CEP104: variants seen among roughly 807,000 people sequenced by gnomAD.
CEP104 encodes the protein centrosomal protein of 104 kDa.
A neutral mutation model predicts 113.3 loss-of-function variants in CEP104; 84 were observed. That is an observed-to-expected ratio of 0.74 (90% confidence interval 0.62 to 0.89). CEP104 has a LOEUF of 0.89. Ranked by LOEUF, CEP104 falls within the 40% of genes least tolerant of loss-of-function variation. The probability of loss-of-function intolerance (pLI) is 0.00; values close to 1 mark genes in which losing one functional copy is unlikely to be tolerated. For synonymous variants in CEP104, 378 were observed against 421.7 expected (o/e 0.90, Z 1.27); for missense variants, 1,053 against 1,156.6 (o/e 0.91, Z 1.30).
intron 9 of CEP104, 40 bp downstream of exon 9, chr1:3,837,252 C>T (rs1387776228): frequency 1.3e-6 from 2 of 1,523,060 alleles, no homozygotes; most frequent in Admixed American, 3.5e-5. Flanking sequence ...TTACAAATAC[C>T]CAAATAAATT....
intron 12 of CEP104, 53 bp from the exon 13 acceptor site, chr1:3,831,275 T>TTCAGCATGATC (rs1338518209): frequency 6.6e-7 from 1 of 1,506,148 alleles, no homozygotes; most frequent in African/African-American, 1.4e-5. Context: ...CTGGAGGCAG[T>TTCAGCATGATC]TTAGTACAAT....
rs1160276141 is a variant in CEP104 at position 3,847,556 on chromosome 1, T to C, written c.345A>G (p.Ser115=). The change falls in exon 4 of 22, where the codon TCA becomes TCG. Residue 115 remains serine (S), a synonymous_variant. Coordinates refer to ENST00000378230, the MANE Select transcript of CEP104 (RefSeq NM_014704.4). ...KTGCKARELK[S]VYVDAVGQFL... ...ATTGTCCTACTGCATCCACATAAAC[T>C]GATTTTAGTTCCCGGGCTTTGCAAC... 2 of 1,613,750 alleles carry C rather than the reference T, an allele frequency of 1.2e-6. No individual in the cohort carries two copies. Among genetic ancestry groups the C allele is most frequent in the African/African-American group, 2.7e-5 (2 of 75,034 alleles).
chr1:3,840,838 C>A (rs1263777019), intron 6 of CEP104, among the ~76,000 whole-genome samples: 2 of 152,190 alleles, frequency 1.3e-5, no homozygotes, highest in African/African-American at 4.8e-5. Flanking sequence ...CTGCACCCAG[C>A]CAGCATCACA....
At chr1:3,836,304 CAAAA>C (rs34181241) in intron 10 of CEP104, among the ~76,000 whole-genome samples, 187 bp downstream of exon 10, 42 of 115,072 alleles carry the variant, frequency 3.6e-4, no homozygotes, top group Non-Finnish European at 3.5e-4. Context: ...GACTCCGTCT[CAAAA>C]AAAAAAAAAA....
intron 10 of CEP104, among the ~76,000 whole-genome samples, chr1:3,836,166 C>T (rs929344379): frequency 3.3e-5 from 5 of 152,032 alleles, no homozygotes; most frequent in Admixed American, 6.6e-5. Context: ...ATTAGCCAGG[C>T]GTGGTGGCGG....
chr1:3,833,680 A>C lies in CEP104; in HGVS notation c.1659+182T>G, dbSNP rs1451656949. On this transcript the variant is annotated intron_variant, in intron 12 of 21. Transcript: ENST00000378230. Reference sequence around the variant, plus strand: ...TGGAAAAACCCAACTGTAGATTTTAACTGAAGTTTATGTCTAAGACAAAAC... The same window carrying C: ...TGGAAAAACCCAACTGTAGATTTTACCTGAAGTTTATGTCTAAGACAAAAC... 68 of 483,642 alleles carry C rather than the reference A, an allele frequency of 1.4e-4. No individual in the cohort carries two copies. The East Asian group carries it at 2.1e-3, about 15-fold the overall frequency. 30.0% of individuals were successfully genotyped at this position (483,642 alleles called of 1,614,324 possible).
At position 3,848,732 on chromosome 1, in the gene CEP104, G is replaced by C. The variant is rs757772764; in HGVS notation, c.163C>G (p.Arg55Gly). The C allele has an allele frequency of 4.3e-6, 7 of 1,613,194 alleles. No homozygotes were observed. The highest frequency in any genetic ancestry group is 5.9e-6 in the Non-Finnish European group (7 of 1,179,746). The change falls in exon 3 of 22, where the codon CGA becomes GGA. Residue 55 changes from arginine (R) to glycine (G), a missense_variant. Transcript: ENST00000378230. ...EIVLQMVERC[R>G]IRKLQLLAHQ... is the part of the protein sequence containing the mutation. ...GCAAGTAACTGCAGTTTCCTTATTC[G>C]ACATCTCTCCACCATTTGAAGGACA...
chr1:3,832,383 T>C (rs1279579491), intron 12 of CEP104, among the ~76,000 whole-genome samples: 1 of 126,922 alleles, frequency 7.9e-6, no homozygotes, highest in Non-Finnish European at 1.7e-5. Context: ...ACCAGGAGTG[T>C]AGCGTAGGTC....
intron 21 of CEP104, 78 bp downstream of exon 21, chr1:3,816,202 C>T (rs1006018894): frequency 9.6e-5 from 122 of 1,276,626 alleles, no homozygotes; most frequent in Admixed American, 2.1e-4. Flanking sequence ...GCCATGTTGC[C>T]CTGGACGGGG....
At chr1:3,840,253 C>T (rs971097913) in intron 6 of CEP104, among the ~76,000 whole-genome samples, 1 of 152,068 alleles carries the variant, frequency 6.6e-6, no homozygotes, top group Non-Finnish European at 1.5e-5. Context: ...TTTCTTTTTT[C>T]GGAGGCGGAG....
In CEP104 at chr1:3,833,507, G is replaced by A. The variant is rs530710397; in HGVS notation, c.1659+355C>T. ...TTCCCATAATATCTAGCCTAGAGGAGGCATATTTGGTGAAAGAATGAAAAT... is the reference window on the plus strand; with the variant it reads ...TTCCCATAATATCTAGCCTAGAGGAAGCATATTTGGTGAAAGAATGAAAAT... On this transcript the variant is annotated intron_variant, in intron 12 of 21. Transcript: ENST00000378230. 1.2e-4 allele frequency among the ~76,000 whole-genome samples: 18 copies of A among 152,110 alleles called. No homozygotes were observed. In the East Asian group the frequency reaches 3.5e-3, roughly 29 times the overall value.
In CEP104 at chr1:3,814,014, A is replaced by C. The variant is rs1433327555; in HGVS notation, c.*1388T>G. On this transcript the variant is annotated 3_prime_UTR_variant, in exon 22 of 22. Transcript: ENST00000378230. ...TTAATGTATCCAGGCCAGGGAGTAC[A>C]TTGTTCAAATCGGGATTAGTTTTTA... 6.6e-6 allele frequency: 1 copy of C among 152,242 alleles called. No homozygotes were observed. The highest frequency in any genetic ancestry group is 2.4e-5 in the African/African-American group (1 of 41,468). The allele number at this position is 152,242 out of a possible 1,614,324, so 9.4% of individuals were successfully genotyped here.
intron 12 of CEP104, among the ~76,000 whole-genome samples, chr1:3,832,355 G>A (rs1360166727): frequency 6.6e-6 from 1 of 151,780 alleles, no homozygotes; most frequent in Admixed American, 6.6e-5. Context: ...GGAGTGTAGT[G>A]TAGCACATTA....
chr1:3,854,757 G>C (rs1214871365), intron 1 of CEP104, among the ~76,000 whole-genome samples: 1 of 151,316 alleles, frequency 6.6e-6, no homozygotes, highest in African/African-American at 2.4e-5. Flanking sequence ...GGGATTACAG[G>C]CATAAGCCAC....
Position 3,829,800 on chromosome 1 carries a change from A to G in CEP104, c.2034T>C (p.Ala678=). 6.2e-7 allele frequency: 1 copy of G among 1,614,100 alleles called. No individual in the cohort carries two copies. The highest frequency in any genetic ancestry group is 8.5e-7 in the Non-Finnish European group (1 of 1,179,940). ...FAKIDGRATD[A]EMRARRKAAT... The stretch of plus-strand genomic sequence containing the variant: ...ACCAAAGTTAACTCACCCTCATCTC[A>G]GCATCTGTAGCTCTGCCATCTATTT... The change falls in exon 14 of 22, where the codon GCT becomes GCC. Residue 678 remains alanine, a synonymous_variant. Transcript: ENST00000378230.
chr1:3,817,118 G>A (rs534593031), intron 20 of CEP104, among the ~76,000 whole-genome samples: 4 of 152,256 alleles, frequency 2.6e-5, no homozygotes, highest in Non-Finnish European at 5.9e-5. Context: ...ATCACCTGAG[G>A]TCAGGATTTT....
chr1:3,817,071 CT>C (rs748561806), intron 20 of CEP104, among the ~76,000 whole-genome samples: 5 of 152,242 alleles, frequency 3.3e-5, no homozygotes, highest in Non-Finnish European at 5.9e-5. Flanking sequence ...TGGCTCACGC[CT>C]GTAATCCCAA....
At position 3,823,298 on chromosome 1, in the gene CEP104, C is replaced by T. The variant is rs1557661826; in HGVS notation, c.2504-57G>A. 1.2e-6 allele frequency: 2 copies of T among 1,609,648 alleles called. No homozygotes were observed. Among genetic ancestry groups the T allele is most frequent in the Non-Finnish European group, 8.5e-7 (1 of 1,176,046 alleles). On this transcript the variant is annotated intron_variant, in intron 19 of 21. Transcript: ENST00000378230. The surrounding 1 kb of genome is among the most constrained non-coding windows in gnomAD (Gnocchi z 4.1). ...CCTGAATGACAGGCGACAAGACATG[C>T]TGCTGGCCTGCCCGCAGGTGCCCTT...
At chr1:3,852,543 C>G (rs1644633449) in intron 1 of CEP104, 122 bp from the exon 2 acceptor site, 1 of 880,918 alleles carries the variant, frequency 1.1e-6, no homozygotes, top group South Asian at 2.1e-5. Flanking sequence ...TCAGAATTTT[C>G]CCATCTCTTT....
Sources: allele counts gnomAD v4.1 joint callset (sites outside exome capture counted in the v4.1 genomes callset), GRCh38; gene constraint gnomAD v4.1.1; non-coding constraint Gnocchi (gnomAD v3.1); transcripts MANE v1.5; gene names NCBI Gene and HGNC (gene_info 2026-07-23, HGNC 2026-07-21).